WDR7: variants seen among roughly 807,000 people sequenced by gnomAD.
The protein encoded by WDR7 is WD repeat domain 7.
In WDR7, 46 loss-of-function variants were observed where a neutral mutation model predicts 169.4. The observed-to-expected ratio is 0.27, with a 90% CI of 0.21 to 0.35. The LOEUF is 0.35. Ranked by LOEUF, WDR7 falls within the 10% of genes least tolerant of loss-of-function variation. The probability of loss-of-function intolerance (pLI) is 1.00; values close to 1 mark genes in which losing one functional copy is unlikely to be tolerated. For missense variants in WDR7, 1,534 were observed against 1,859.3 expected (o/e 0.83, Z 3.22); for synonymous variants, 612 against 666.8 (o/e 0.92, Z 1.27).
chr18:57,004,198 A>G (rs1326510870), intron 26 of WDR7, among the ~76,000 whole-genome samples: 3 of 152,070 alleles, frequency 2.0e-5, no homozygotes, highest in African/African-American at 4.8e-5. Flanking sequence ...GCTTTGGATG[A>G]ATCTAATATC....
intron 20 of WDR7, among the ~76,000 whole-genome samples, chr18:56,832,172 T>C (rs1291115050): frequency 6.6e-6 from 1 of 152,152 alleles, no homozygotes; most frequent in Non-Finnish European, 1.5e-5. Context: ...TGTCTGCCAT[T>C]ACTGAGGCTT....
rs893976997 is a variant in WDR7 at position 57,028,029 on chromosome 18, G to A, written c.*822G>A. 2.0e-5 allele frequency: 3 copies of A among 152,138 alleles called. No individual in the cohort carries two copies. The highest frequency in any genetic ancestry group is 7.2e-5 in the African/African-American group (3 of 41,434). 9.4% of individuals were successfully genotyped at this position (152,138 alleles called of 1,614,324 possible). A position where few individuals can be genotyped will look rare whatever the true frequency, so the allele number is the denominator to read the frequency against. On this transcript the variant is annotated 3_prime_UTR_variant, in exon 28 of 28. Transcript: ENST00000254442. ...CTTTTGTGATAAAGAGCCAAGTTCA[G>A]AAGCATAGCGTGTACCGAAAATGAA...
At chr18:56,669,597 GA>G (rs1252384689) in intron 1 of WDR7, among the ~76,000 whole-genome samples, 2 of 151,950 alleles carry the variant, frequency 1.3e-5, no homozygotes, top group Non-Finnish European at 2.9e-5. Flanking sequence ...AGATCATGTT[GA>G]GATCTGAAAG....
chr18:56,686,093 G>A (rs1319123339), intron 6 of WDR7, 61 bp downstream of exon 6: 5 of 1,365,260 alleles, frequency 3.7e-6, no homozygotes, highest in South Asian at 2.7e-5. Context: ...CAAAATTTTA[G>A]TAATGATATG....
At chr18:57,022,364 A>C (rs2048305044) in intron 27 of WDR7, among the ~76,000 whole-genome samples, 1 of 152,194 alleles carries the variant, frequency 6.6e-6, no homozygotes, top group Non-Finnish European at 1.5e-5. Context: ...CACTCATTCC[A>C]CATTTATTGG....
At chr18:56,784,120 GC>G (rs923210707) in intron 19 of WDR7, among the ~76,000 whole-genome samples, 4 of 152,126 alleles carry the variant, frequency 2.6e-5, no homozygotes, top group African/African-American at 9.7e-5. Flanking sequence ...GCCTGCCTCT[GC>G]CCCCAGCCTT....
chr18:56,671,966 G>A (rs1221435697), intron 1 of WDR7, among the ~76,000 whole-genome samples: 2 of 152,118 alleles, frequency 1.3e-5, no homozygotes, highest in South Asian at 2.1e-4. Context: ...TTCTGAGAAC[G>A]GTTTGACCTG....
intron 21 of WDR7, among the ~76,000 whole-genome samples, chr18:56,911,898 C>T (rs1463206904): frequency 6.6e-6 from 1 of 152,154 alleles, no homozygotes; most frequent in Non-Finnish European, 1.5e-5. Context: ...TGGAGAATGT[C>T]ATTGTTTGGG....
intron 26 of WDR7, among the ~76,000 whole-genome samples, chr18:56,986,827 C>T (rs1303935664): frequency 2.0e-5 from 3 of 152,058 alleles, no homozygotes; most frequent in African/African-American, 7.2e-5. Context: ...CATCATTTTT[C>T]ATGCCAAATT....
chr18:56,803,787 A>G (rs939582700), intron 19 of WDR7, among the ~76,000 whole-genome samples: 5 of 152,174 alleles, frequency 3.3e-5, no homozygotes, highest in African/African-American at 4.8e-5. Flanking sequence ...TGTATCCATC[A>G]TTGAATTTAT....
chr18:56,762,800 TTTTTG>T (rs1052238909), intron 16 of WDR7, among the ~76,000 whole-genome samples: 2 of 152,014 alleles, frequency 1.3e-5, no homozygotes, highest in East Asian at 1.9e-4. Context: ...AGTGTGCTGT[TTTTTG>T]TTTTGTTTTG....
chr18:56,726,917 G>T (rs938148001), intron 13 of WDR7, among the ~76,000 whole-genome samples: 9 of 151,974 alleles, frequency 5.9e-5, no homozygotes, highest in Non-Finnish European at 8.8e-5. Flanking sequence ...CTTGGCCTTG[G>T]GTACTTTCTT....
intron 12 of WDR7, among the ~76,000 whole-genome samples, chr18:56,714,329 T>G (rs2026145702): frequency 6.6e-6 from 1 of 152,132 alleles, no homozygotes; most frequent in East Asian, 1.9e-4. Flanking sequence ...TTTGTTTTCA[T>G]TCTTGATTAT....
chr18:56,824,701 G>T (rs1450132350), intron 20 of WDR7, among the ~76,000 whole-genome samples: 1 of 152,144 alleles, frequency 6.6e-6, no homozygotes, highest in Non-Finnish European at 1.5e-5. Context: ...ATTATCTCTT[G>T]ATATTATGAA....
At chr18:57,020,036 G>GA (rs2145937370) in intron 26 of WDR7, among the ~76,000 whole-genome samples, 1 of 152,162 alleles carries the variant, frequency 6.6e-6, no homozygotes, top group East Asian at 1.9e-4. Flanking sequence ...TATTAGGAGG[G>GA]ACCTTCTATC....
chr18:56,814,508 T>C (rs1270673445), intron 19 of WDR7, among the ~76,000 whole-genome samples: 1 of 152,154 alleles, frequency 6.6e-6, no homozygotes, highest in Non-Finnish European at 1.5e-5. Flanking sequence ...TAAAGTAATA[T>C]TATTTTTCTA....
intron 19 of WDR7, among the ~76,000 whole-genome samples, chr18:56,811,431 C>T (rs555961237): frequency 1.3e-5 from 2 of 152,208 alleles, no homozygotes; most frequent in African/African-American, 2.4e-5. Flanking sequence ...TCTTTTCTCT[C>T]GTTTTGGAGC....
chr18:57,027,269 C>G lies in WDR7; in HGVS notation c.*62C>G, dbSNP rs2048380183. On this transcript the variant is annotated 3_prime_UTR_variant, in exon 28 of 28. Transcript: ENST00000254442. ...CTAAATTATCCAAGCCGATGTTGCT[C>G]TGTCCTTCCTCACACCAGATTGTTC... 2.0e-6 allele frequency: 3 copies of G among 1,532,186 alleles called. No homozygotes were observed. Among genetic ancestry groups the G allele is most frequent in the South Asian group, 2.4e-5 (2 of 81,998 alleles). 94.9% of individuals were successfully genotyped at this position (1,532,186 alleles called of 1,614,324 possible).
intron 21 of WDR7, among the ~76,000 whole-genome samples, chr18:56,901,506 A>G (rs895431641): frequency 6.6e-6 from 1 of 152,178 alleles, no homozygotes; most frequent in Non-Finnish European, 1.5e-5. Flanking sequence ...ATGGTTGGCA[A>G]CTGTTGTCCC....
Sources: allele counts gnomAD v4.1 joint callset (sites outside exome capture counted in the v4.1 genomes callset), GRCh38; gene constraint gnomAD v4.1.1; transcripts MANE v1.5; gene names NCBI Gene and HGNC (gene_info 2026-07-23, HGNC 2026-07-21).